The following GNG7 variants were observed in gnomAD, a reference collection of about 807,000 sequenced individuals.
The protein encoded by GNG7 is guanine nucleotide-binding protein G(I)/G(S)/G(O) subunit gamma-7.
Under a neutral mutation model 4.0 loss-of-function variants are expected in GNG7, and 1 was observed. That is an observed-to-expected ratio of 0.25 (90% CI 0.09 to 1.18). The LOEUF is 1.18. GNG7 is among the 50% of genes most tolerant of loss of function. The pLI, the probability that GNG7 is intolerant of heterozygous loss-of-function variation, is 0.50. For synonymous variants in GNG7, 34 were observed against 36.9 expected, an observed-to-expected ratio of 0.92 and a Z score of 0.29; for missense variants, 86 against 91.9, an observed-to-expected ratio of 0.94 and a Z score of 0.26.
chr19:2,628,887 G>A (rs1366731009), intron 2 of GNG7, among the ~76,000 whole-genome samples: 1 of 152,124 alleles, frequency 6.6e-6, no homozygotes, highest in Non-Finnish European at 1.5e-5. Flanking sequence ...CGACCTAACT[G>A]CATTAACCTA....
At chr19:2,649,694 CATT>C (rs1423925102) in intron 1 of GNG7, among the ~76,000 whole-genome samples, 1 of 152,094 alleles carries the variant, frequency 6.6e-6, no homozygotes, top group African/African-American at 2.4e-5. Flanking sequence ...AGCCAGGAAT[CATT>C]ATTTTTAAAC....
At chr19:2,624,078 C>T (rs771652128) in intron 2 of GNG7, among the ~76,000 whole-genome samples, 18 of 151,758 alleles carry the variant, frequency 1.2e-4, no homozygotes, top group Non-Finnish European at 2.2e-4. Context: ...AAGTGTTTCA[C>T]GGGGACAGAG....
At chr19:2,519,860 G>A (rs1397457118) in intron 4 of GNG7, among the ~76,000 whole-genome samples, 3 of 152,098 alleles carry the variant, frequency 2.0e-5, no homozygotes, top group East Asian at 3.9e-4. Flanking sequence ...TCGACAAGGC[G>A]CAGCCTCAAG....
At chr19:2,645,725 A>T (rs1479433571) in intron 2 of GNG7, among the ~76,000 whole-genome samples, 3 of 151,956 alleles carry the variant, frequency 2.0e-5, no homozygotes, top group Non-Finnish European at 2.9e-5. Flanking sequence ...CCTTTTCTGG[A>T]CATTTCTGCC....
In GNG7 at chr19:2,694,508, C is replaced by T. The variant is rs149526889; in HGVS notation, c.-135+8138G>A. ...CAGAGAACAATCCGGTCCCCCCTAT[C>T]TGCAGTACTAAGAGGGAGCCCCTAC... is the stretch of plus-strand genomic sequence containing the variant. On this transcript the variant is annotated intron_variant, in intron 1 of 4. Transcript: ENST00000382159. Among the ~76,000 whole-genome samples, 15 of 151,616 alleles carry T rather than the reference C, an allele frequency of 9.9e-5. No individual in the cohort carries two copies. The East Asian group carries it at 2.9e-3, about 30-fold the overall frequency.
intron 3 of GNG7, among the ~76,000 whole-genome samples, chr19:2,540,973 C>T (rs1022908040): frequency 1.2e-4 from 18 of 152,256 alleles, no homozygotes; most frequent in Non-Finnish European, 5.9e-5. Context: ...AGGGAGAGAG[C>T]ATGCAGCCGG....
At chr19:2,683,006 G>A (rs146961553) in intron 1 of GNG7, among the ~76,000 whole-genome samples, 105 of 152,144 alleles carry the variant, frequency 6.9e-4, no homozygotes, top group African/African-American at 2.5e-3. Context: ...TCCGAGGCGG[G>A]CAGATCACGA....
chr19:2,565,297 G>T (rs895474284), intron 2 of GNG7, among the ~76,000 whole-genome samples: 2 of 152,090 alleles, frequency 1.3e-5, no homozygotes, highest in African/African-American at 2.4e-5. Flanking sequence ...GGATCATGAG[G>T]TCAGGAGATC....
intron 2 of GNG7, among the ~76,000 whole-genome samples, chr19:2,615,456 T>TTC (rs1981696033): frequency 8.2e-4 from 1 of 1,214 alleles, no homozygotes; most frequent in African/African-American, 2.9e-3. Flanking sequence ...CTTTTCCGGT[T>TTC]TTTTTTTTTT....
At chr19:2,582,600 C>T (rs942493314) in intron 2 of GNG7, among the ~76,000 whole-genome samples, 6 of 151,452 alleles carry the variant, frequency 4.0e-5, no homozygotes, top group African/African-American at 1.5e-4. Context: ...CACCTAGCTC[C>T]ACCTTCCAAG....
intron 1 of GNG7, among the ~76,000 whole-genome samples, chr19:2,662,014 C>G (rs951526188): frequency 5.3e-5 from 8 of 152,176 alleles, no homozygotes; most frequent in Non-Finnish European, 1.2e-4. Flanking sequence ...AATCCCAGCA[C>G]TTTCAGAGGC....
Position 2,568,209 on chromosome 19 carries a change from ACACATACAGACATG to A in GNG7, c.-77-13035_-77-13022del, listed in dbSNP as rs1396647698. 2.6e-5 allele frequency among the ~76,000 whole-genome samples: 4 copies of A among 151,946 alleles called. No homozygotes were observed. The East Asian group carries it at 7.7e-4, about 29-fold the overall frequency. ...TGCACATACACACACATATAGACATACACATACAGACATGCACACACGTGCACATACACACATAT... is the reference window on the plus strand; with the variant it reads ...TGCACATACACACACATATAGACATACACACACGTGCACATACACACATAT... On this transcript the variant is annotated intron_variant, in intron 2 of 4. Coordinates refer to ENST00000382159, the MANE Select transcript of GNG7 (RefSeq NM_052847.3).
At chr19:2,561,389 C>T (rs1442851350) in intron 2 of GNG7, among the ~76,000 whole-genome samples, 5 of 152,130 alleles carry the variant, frequency 3.3e-5, no homozygotes, top group Admixed American at 6.5e-5. Flanking sequence ...CCAATATCCA[C>T]GGTGCCCTGG....
chr19:2,570,866 C>G (rs1053322686), intron 2 of GNG7, among the ~76,000 whole-genome samples: 1 of 152,144 alleles, frequency 6.6e-6, no homozygotes, highest in African/African-American at 2.4e-5. Context: ...GGTGCAATCA[C>G]AGCTCACTGC....
intron 2 of GNG7, among the ~76,000 whole-genome samples, chr19:2,596,996 C>T (rs920370181): frequency 2.0e-5 from 3 of 152,128 alleles, no homozygotes; most frequent in Non-Finnish European, 2.9e-5. Context: ...CGGTGGCTCA[C>T]ACCTGCAATC....
intron 2 of GNG7, among the ~76,000 whole-genome samples, chr19:2,623,489 G>A (rs1266359463): frequency 6.6e-6 from 1 of 152,160 alleles, no homozygotes; most frequent in African/African-American, 2.4e-5. Context: ...CTGTATGATG[G>A]AATATTACTC....
At chr19:2,613,590 G>A (rs748146691) in intron 2 of GNG7, among the ~76,000 whole-genome samples, 7 of 152,090 alleles carry the variant, frequency 4.6e-5, no homozygotes, top group Non-Finnish European at 8.8e-5. Flanking sequence ...AGATGGTCAC[G>A]GAATGCAGAG....
At chr19:2,535,213 G>C (rs936185637) in intron 3 of GNG7, among the ~76,000 whole-genome samples, 1 of 151,910 alleles carries the variant, frequency 6.6e-6, no homozygotes, top group Non-Finnish European at 1.5e-5. Flanking sequence ...TGGGGGCTGG[G>C]TGCAGTGGCT....
chr19:2,668,479 T>G (rs1051604294), intron 1 of GNG7, among the ~76,000 whole-genome samples: 2 of 152,096 alleles, frequency 1.3e-5, no homozygotes, highest in Non-Finnish European at 2.9e-5. Context: ...CCTGTTTCCC[T>G]GGCTCGGTGA....
Sources: allele counts gnomAD v4.1 joint callset (sites outside exome capture counted in the v4.1 genomes callset), GRCh38; gene constraint gnomAD v4.1.1; transcripts MANE v1.5; gene names NCBI Gene and HGNC (gene_info 2026-07-23, HGNC 2026-07-21).